LYST: variants seen among roughly 807,000 people sequenced by gnomAD.
LYST encodes the protein lysosomal-trafficking regulator.
In LYST, 192 loss-of-function variants were observed where a neutral mutation model predicts 413.6. The ratio of observed to expected loss-of-function variants is 0.46; its 90% confidence interval spans 0.41 to 0.52. The LOEUF is 0.52. Ranked by LOEUF, LYST falls within the 20% of genes least tolerant of loss-of-function variation. The pLI is 0.00. For synonymous variants in LYST, 1,525 were observed against 1,567.3 expected (o/e 0.97, Z 0.64); for missense variants, 3,815 against 4,499.9 (o/e 0.85, Z 4.35).
intron 10 of LYST, among the ~76,000 whole-genome samples, chr1:235,798,889 G>T (rs190158396): frequency 1.3e-4 from 20 of 152,158 alleles, no homozygotes; most frequent in African/African-American, 4.8e-4. Flanking sequence ...TCTTTTGGGG[G>T]TGATGAAAAT....
At chr1:235,745,208 A>G (rs1665796863) in intron 29 of LYST, among the ~76,000 whole-genome samples, 1 of 152,186 alleles carries the variant, frequency 6.6e-6, no homozygotes, top group Non-Finnish European at 1.5e-5. Flanking sequence ...CACCTCACAT[A>G]GTTACCACTT....
intron 48 of LYST, among the ~76,000 whole-genome samples, chr1:235,683,682 T>TG (rs969931620): frequency 1.7e-4 from 26 of 152,196 alleles, no homozygotes; most frequent in African/African-American, 6.0e-4. Flanking sequence ...GGCACTTGGT[T>TG]GGGGGGCCCA....
chr1:235,803,784 A>C (rs1459055191), intron 7 of LYST, among the ~76,000 whole-genome samples: 1 of 152,166 alleles, frequency 6.6e-6, no homozygotes, highest in African/African-American at 2.4e-5. Context: ...ATTCATAGCT[A>C]TTTCAGCATG....
chr1:235,729,719 G>C (rs756956236), intron 36 of LYST, 62 bp from the exon 37 acceptor site: 8 of 1,178,766 alleles, frequency 6.8e-6, no homozygotes, highest in Non-Finnish European at 1.0e-5. Context: ...GAGAGGATAT[G>C]CTTTATTTTA....
chr1:235,856,359 G>T (rs763386797), intron 1 of LYST, among the ~76,000 whole-genome samples: 29 of 152,150 alleles, frequency 1.9e-4, no homozygotes, highest in Non-Finnish European at 3.5e-4. Context: ...AAAGTCAAGA[G>T]ATTCTCAGTT....
intron 52 of LYST, among the ~76,000 whole-genome samples, chr1:235,663,334 G>C (rs1658183067): frequency 6.6e-6 from 1 of 152,048 alleles, no homozygotes; most frequent in South Asian, 2.1e-4. Context: ...TCTATTCTTT[G>C]CATATCTTCT....
chr1:235,746,073 T>C (rs1665894184), intron 29 of LYST, among the ~76,000 whole-genome samples: 1 of 152,166 alleles, frequency 6.6e-6, no homozygotes, highest in South Asian at 2.1e-4. Flanking sequence ...CTTAACTGCA[T>C]GTGAATCTAC....
chr1:235,800,292 G>A, intron 10 of LYST, 28 bp downstream of exon 10: 1 of 1,357,962 alleles, frequency 7.4e-7, no homozygotes, highest in South Asian at 1.2e-5. Flanking sequence ...TAATTTCAGA[G>A]CTATTGTTTA....
At position 235,800,976 on chromosome 1, in the gene LYST, C is replaced by T. The variant is rs148542548; in HGVS notation, c.3834G>A (p.Leu1278=). The T allele has an allele frequency of 9.9e-5, 160 of 1,613,498 alleles. No homozygotes were observed. The highest frequency in any genetic ancestry group is 1.3e-4 in the Non-Finnish European group (151 of 1,179,668). Residue 1278 remains leucine (L), a synonymous_variant, in exon 9 of 53, where the codon TTG becomes TTA. Coordinates refer to ENST00000389793, the MANE Select transcript of LYST (RefSeq NM_000081.4). ...YPEICMLELN[L]LSASKAKLDV... ...CAAGTTTGGCTTTACTAGCAGAAAG[C>T]AAATTTAATTCCAGCATACAAATCT...
intron 4 of LYST, among the ~76,000 whole-genome samples, chr1:235,812,751 A>T (rs1558288840): frequency 5.3e-5 from 8 of 152,186 alleles, no homozygotes. Context: ...TACATTTTCT[A>T]ATCATCAGTA....
intron 1 of LYST, among the ~76,000 whole-genome samples, chr1:235,848,013 T>C (rs535864801): frequency 6.6e-6 from 1 of 152,278 alleles, no homozygotes; most frequent in South Asian, 2.1e-4. Context: ...GAATTTAAAC[T>C]ATACCTTGGA....
chr1:235,680,890 C>T lies in LYST; in HGVS notation c.10801-3271G>A, dbSNP rs1455771358. 4.6e-5 allele frequency among the ~76,000 whole-genome samples: 7 copies of T among 152,296 alleles called. No homozygotes were observed. The East Asian group carries it at 1.2e-3, about 25-fold the overall frequency. The stretch of plus-strand genomic sequence containing the variant: ...TTGGGATTACAGGCGTGAGCCACCG[C>T]GCCTGGCCTACAAGTGATTTTCATA... On this transcript the variant is annotated intron_variant, in intron 48 of 52. Coordinates refer to ENST00000389793, the MANE Select transcript of LYST (RefSeq NM_000081.4).
chr1:235,711,525 G>C (rs1662398258), intron 43 of LYST, among the ~76,000 whole-genome samples: 1 of 152,176 alleles, frequency 6.6e-6, no homozygotes, highest in Non-Finnish European at 1.5e-5. Context: ...ACCCCTTAAA[G>C]GGTTAGCTGC....
At chr1:235,682,245 A>G (rs970082156) in intron 48 of LYST, among the ~76,000 whole-genome samples, 1 of 152,098 alleles carries the variant, frequency 6.6e-6, no homozygotes, top group Non-Finnish European at 1.5e-5. Context: ...GGACCACTTG[A>G]GTCTGGGAGG....
intron 1 of LYST, among the ~76,000 whole-genome samples, chr1:235,880,005 G>A (rs1048425508): frequency 6.6e-6 from 1 of 152,158 alleles, no homozygotes; most frequent in Non-Finnish European, 1.5e-5. Flanking sequence ...CCAAAGTGCT[G>A]GGATTACAGG....
chr1:235,758,963 C>T lies in LYST; in HGVS notation c.6881+9G>A. On this transcript the variant is annotated intron_variant, in intron 23 of 52. Coordinates refer to ENST00000389793, the MANE Select transcript of LYST (RefSeq NM_000081.4). Reference sequence around the variant, plus strand: ...AAGGTGGGAGGAGTGTACAAAAACACATAAGTACCTGTGAGCACTTGCAGT... The same window carrying T: ...AAGGTGGGAGGAGTGTACAAAAACATATAAGTACCTGTGAGCACTTGCAGT... 1 of 1,613,716 alleles carries T rather than the reference C, an allele frequency of 6.2e-7. No individual in the cohort carries two copies. The highest frequency in any genetic ancestry group is 8.5e-7 in the Non-Finnish European group (1 of 1,179,788).
chr1:235,759,067 C>T lies in LYST; in HGVS notation c.6786G>A (p.Trp2262Ter), dbSNP rs747469667. Reference sequence around the variant, plus strand: ...CAGTGTTTCTATCAACAAGACTTGGCCAACGGCCAACAGCTGCAGATCCGT... The same window carrying T: ...CAGTGTTTCTATCAACAAGACTTGGTCAACGGCCAACAGCTGCAGATCCGT... Reference protein sequence around the residue: ...SQNGSAAVGRWPSLVDRNTDD... With the variant: ...SQNGSAAVGR Residue 2262 changes from tryptophan to a stop codon, truncating the protein, a stop_gained, in exon 23 of 53, where the codon TGG becomes TGA. Coordinates refer to ENST00000389793, the MANE Select transcript of LYST (RefSeq NM_000081.4). LOFTEE classifies it high-confidence loss of function. 6.2e-7 allele frequency: 1 copy of T among 1,614,108 alleles called. No individual in the cohort carries two copies.
In LYST at chr1:235,802,049, C is replaced by T. The variant is rs182298482; in HGVS notation, c.3712+859G>A. Among the ~76,000 whole-genome samples the T allele has an allele frequency of 4.9e-3, 749 of 152,082 alleles. 5 individuals carry two copies. The highest frequency in any genetic ancestry group is 7.9e-3 in the Admixed American group (120 of 15,262). On this transcript the variant is annotated intron_variant, in intron 8 of 52. Transcript: ENST00000389793. Reference sequence around the variant, plus strand: ...TCTCTACTAAAAATATAACAATTAGCTGGGCATGGTGGCGGGCTCCTGAAA... The same window carrying T: ...TCTCTACTAAAAATATAACAATTAGTTGGGCATGGTGGCGGGCTCCTGAAA...
At chr1:235,723,933 GA>G in intron 39 of LYST, 94 bp downstream of exon 39, 1 of 1,103,866 alleles carries the variant, frequency 9.1e-7, no homozygotes, top group East Asian at 2.4e-5. Flanking sequence ...AATTTTATTC[GA>G]TTTCAGTAAA....
Sources: gnomAD v4.1 joint callset for allele counts (sites outside exome capture counted in the v4.1 genomes callset) on GRCh38, gnomAD v4.1.1 for gene constraint, MANE v1.5 for transcripts, NCBI Gene and HGNC (gene_info 2026-07-23, HGNC 2026-07-21) for gene names.